Variants in VTI1A observed in about 807,000 individuals in gnomAD.
VTI1A encodes vesicle transport through interaction with t-SNAREs homolog 1A.
VTI1A carries 22 observed loss-of-function variants against 34.9 expected under a neutral mutation model. The ratio of observed to expected loss-of-function variants is 0.63; its 90% confidence interval spans 0.45 to 0.90. VTI1A has a LOEUF of 0.90. Among genes scored for constraint, VTI1A ranks in the 40% least tolerant of loss-of-function variants. The pLI, the probability that VTI1A is intolerant of heterozygous loss-of-function variation, is 0.00. For missense variants in VTI1A, 268 were observed against 275.6 expected (o/e 0.97, Z 0.20); for synonymous variants, 87 against 97.3 (o/e 0.89, Z 0.62).
intron 5 of VTI1A, among the ~76,000 whole-genome samples, chr10:112,623,702 A>G (rs547436153): frequency 1.1e-4 from 16 of 152,278 alleles, no homozygotes; most frequent in African/African-American, 3.9e-4. Context: ...TTTATAATCC[A>G]TTCCTATAGG....
At chr10:112,652,003 G>A (rs1590027249) in intron 5 of VTI1A, among the ~76,000 whole-genome samples, 1 of 152,084 alleles carries the variant, frequency 6.6e-6, no homozygotes, top group Non-Finnish European at 1.5e-5. Flanking sequence ...CTCCTAACAG[G>A]ATGTTTAGAG....
At chr10:112,844,688 CACGCCTGGCG>C in the VTI1A span, among the ~76,000 whole-genome samples, 11 of 152,218 alleles carry the variant, frequency 7.2e-5, no homozygotes, top group Admixed American at 2.0e-4. Context: ...CGTGAGCCAC[CACGCCTGGCG>C]TGTAATCCTT....
chr10:112,619,255 T>C (rs1845639505), intron 5 of VTI1A, among the ~76,000 whole-genome samples: 1 of 151,880 alleles, frequency 6.6e-6, no homozygotes, highest in Non-Finnish European at 1.5e-5. Context: ...GGAGAAACAG[T>C]GGAAAGGGGG....
In VTI1A at chr10:112,818,557, C is replaced by G. The variant is rs1853588520; in HGVS notation, c.*3174C>G. ...GCTGTATTTGAAGTTGTAATGGTGT[C>G]AAAAAGTCACGACTGACTGACAGCC... On this transcript the variant is annotated 3_prime_UTR_variant, in exon 8 of 8. Transcript: ENST00000393077. 4.5e-6 allele frequency: 1 copy of G among 223,966 alleles called. No individual in the cohort carries two copies. The highest frequency in any genetic ancestry group is 2.2e-5 in the African/African-American group (1 of 44,784). The allele number at this position is 223,966 out of a possible 1,614,324, so 13.9% of individuals were successfully genotyped here. A position where few individuals can be genotyped will look rare whatever the true frequency, so the allele number is the denominator to read the frequency against.
chr10:112,505,216 TA>T (rs917220242), intron 3 of VTI1A, among the ~76,000 whole-genome samples: 3 of 152,168 alleles, frequency 2.0e-5, no homozygotes, highest in African/African-American at 7.2e-5. Flanking sequence ...CTCAGGATTA[TA>T]AAAAATTAAG....
At chr10:112,664,523 T>G (rs1276792494) in intron 5 of VTI1A, among the ~76,000 whole-genome samples, 1 of 152,224 alleles carries the variant, frequency 6.6e-6, no homozygotes, top group Non-Finnish European at 1.5e-5. Context: ...CTTATTTTCA[T>G]GATGTCAGGC....
At chr10:112,772,935 A>T (rs1366041247) in intron 7 of VTI1A, among the ~76,000 whole-genome samples, 2 of 152,248 alleles carry the variant, frequency 1.3e-5, no homozygotes, top group Non-Finnish European at 2.9e-5. Flanking sequence ...TAGCAATAGA[A>T]TGCCACTTAG....
chr10:112,800,983 G>A (rs924168867), intron 7 of VTI1A, among the ~76,000 whole-genome samples: 4 of 152,178 alleles, frequency 2.6e-5, no homozygotes, highest in African/African-American at 9.7e-5. Flanking sequence ...AAATGAGGGT[G>A]GTTGCTCAAC....
chr10:112,713,858 C>T (rs887696993), intron 7 of VTI1A, among the ~76,000 whole-genome samples: 8 of 152,018 alleles, frequency 5.3e-5, no homozygotes, highest in South Asian at 2.1e-4. Flanking sequence ...CTTAACAACC[C>T]GTGTATTTAA....
At chr10:112,819,310 C>T (rs1853607305), downstream of VTI1A, among the ~76,000 whole-genome samples, 1 of 152,054 alleles carries the variant, frequency 6.6e-6, no homozygotes, top group Non-Finnish European at 1.5e-5. Flanking sequence ...GTGGAGGTGG[C>T]TTTCCTGGGA....
At chr10:112,708,343 A>G in intron 7 of VTI1A, among the ~76,000 whole-genome samples, 1 of 152,244 alleles carries the variant, frequency 6.6e-6, no homozygotes. Flanking sequence ...ATACATGGGC[A>G]TATTTATATA....
chr10:112,819,219 G>A (rs1293057618), downstream of VTI1A, among the ~76,000 whole-genome samples: 1 of 152,194 alleles, frequency 6.6e-6, no homozygotes, highest in Non-Finnish European at 1.5e-5. Flanking sequence ...TGTCTACGTA[G>A]TGGAGAATTA....
chr10:112,693,662 A>C (rs901004057), intron 7 of VTI1A, among the ~76,000 whole-genome samples: 1 of 152,228 alleles, frequency 6.6e-6, no homozygotes, highest in Non-Finnish European at 1.5e-5. Flanking sequence ...CCGAGTTGAA[A>C]ATGGTGCTTG....
At chr10:112,756,447 T>C (rs1851285188) in intron 7 of VTI1A, among the ~76,000 whole-genome samples, 1 of 152,132 alleles carries the variant, frequency 6.6e-6, no homozygotes, top group South Asian at 2.1e-4. Flanking sequence ...GCCTGCACTC[T>C]GGGGGAGGCA....
chr10:112,837,661 G>A, the VTI1A span, among the ~76,000 whole-genome samples: 1 of 152,194 alleles, frequency 6.6e-6, no homozygotes, highest in Non-Finnish European at 1.5e-5. Context: ...AAGGTTTTAG[G>A]TTGAATGGCT....
chr10:112,737,082 T>G (rs1590133774), intron 7 of VTI1A: 3 of 371,676 alleles, frequency 8.1e-6, no homozygotes, highest in East Asian at 8.3e-5. Context: ...CTTTTTCTTT[T>G]TTTTTTTGAG....
chr10:112,789,000 C>T (rs1173585115), intron 7 of VTI1A, among the ~76,000 whole-genome samples: 2 of 152,096 alleles, frequency 1.3e-5, no homozygotes, highest in Non-Finnish European at 2.9e-5. Context: ...CATATCTACA[C>T]ATGATATAAA....
rs184804829 is a variant in VTI1A, at chr10:112,579,686, G to A, written c.427+41356G>A. ...TTTCAGAAACACATTTAAAATACGG[G>A]AATAAATAAGATCACCCAGAGAATA... On this transcript the variant is annotated intron_variant, in intron 5 of 7. Transcript: ENST00000393077. 2.0e-3 allele frequency among the ~76,000 whole-genome samples: 309 copies of A among 152,212 alleles called. 2 individuals carry two copies. The highest frequency in any genetic ancestry group is 0.01 in the Middle Eastern group (3 of 294).
At chr10:112,723,366 C>T (rs569672633) in intron 7 of VTI1A, among the ~76,000 whole-genome samples, 35 of 152,272 alleles carry the variant, frequency 2.3e-4, no homozygotes, top group African/African-American at 7.2e-4. Context: ...TAGAACTTCC[C>T]GATGAAGTGG....
Sources: gnomAD v4.1 joint callset for allele counts (sites outside exome capture counted in the v4.1 genomes callset) on GRCh38, gnomAD v4.1.1 for gene constraint, MANE v1.5 for transcripts, NCBI Gene and HGNC (gene_info 2026-07-23, HGNC 2026-07-21) for gene names.